Variants in FRMD5 observed in about 807,000 individuals in gnomAD.
FRMD5 encodes FERM domain-containing protein 5.
In FRMD5, 20 loss-of-function variants were observed where a neutral mutation model predicts 69.0. The ratio of observed to expected loss-of-function variants is 0.29; its 90% CI spans 0.20 to 0.42. The LOEUF (loss-of-function observed/expected upper bound fraction) is 0.42, where lower values mean the gene tolerates loss of function less well. Ranked by LOEUF, FRMD5 falls within the 10% of genes least tolerant of loss-of-function variation. The probability of loss-of-function intolerance (pLI) is 1.00; values close to 1 mark genes in which losing one functional copy is unlikely to be tolerated. For synonymous variants in FRMD5, 271 were observed against 260.1 expected (o/e 1.04, Z -0.40); for missense variants, 595 against 708.6 (o/e 0.84, Z 1.82).
intron 1 of FRMD5, among the ~76,000 whole-genome samples, chr15:44,177,811 G>T (rs2077925294): frequency 6.6e-6 from 1 of 152,116 alleles, no homozygotes; most frequent in Admixed American, 6.5e-5. Flanking sequence ...TGTGGAAAAG[G>T]CAAAACTGTA....
intron 6 of FRMD5, among the ~76,000 whole-genome samples, chr15:43,905,377 TC>T (rs1003473435): frequency 4.6e-5 from 7 of 152,150 alleles, no homozygotes; most frequent in African/African-American, 1.4e-4. Context: ...CCTCACGTGA[TC>T]CACCTGCCTC....
chr15:43,875,362 AAAT>A (rs1247472310), intron 13 of FRMD5, among the ~76,000 whole-genome samples: 86 of 106,518 alleles, frequency 8.1e-4, no homozygotes, highest in African/African-American at 1.2e-3. Flanking sequence ...AAAAAAAAAA[AAAT>A]ATATATATAT....
At chr15:43,977,519 T>A (rs2090482600) in intron 1 of FRMD5, among the ~76,000 whole-genome samples, 1 of 152,142 alleles carries the variant, frequency 6.6e-6, no homozygotes. Context: ...CCTTGATGTG[T>A]TCCGTTATGG....
chr15:44,118,493 T>C (rs2076901822), intron 1 of FRMD5, among the ~76,000 whole-genome samples: 1 of 152,206 alleles, frequency 6.6e-6, no homozygotes, highest in African/African-American at 2.4e-5. Flanking sequence ...TTACCACTTC[T>C]ACATCATTTT....
chr15:44,165,620 G>A (rs1238764405), intron 1 of FRMD5, among the ~76,000 whole-genome samples: 1 of 152,072 alleles, frequency 6.6e-6, no homozygotes, highest in East Asian at 1.9e-4. Flanking sequence ...TGGATCTCTT[G>A]AGCTCAGGAG....
At chr15:43,974,046 G>A (rs1015866597) in intron 1 of FRMD5, among the ~76,000 whole-genome samples, 2 of 150,528 alleles carry the variant, frequency 1.3e-5, no homozygotes, top group African/African-American at 4.9e-5. Flanking sequence ...TACTCCAAAA[G>A]GGATCAGCTT....
chr15:44,035,658 G>T (rs1891875454), intron 1 of FRMD5, among the ~76,000 whole-genome samples: 1 of 152,164 alleles, frequency 6.6e-6, no homozygotes, highest in Non-Finnish European at 1.5e-5. Context: ...AAAATTTGGA[G>T]ACCCTTTTGG....
chr15:43,888,322 A>G (rs1190428223), intron 9 of FRMD5, 56 bp from the exon 10 acceptor site: 2 of 1,258,242 alleles, frequency 1.6e-6, no homozygotes, highest in Non-Finnish European at 2.3e-6. Context: ...CAAAGGGTGA[A>G]GTAGGCGAGG....
chr15:44,195,353 G>C, upstream of FRMD5: 1 of 445,284 alleles, frequency 2.2e-6, no homozygotes, highest in East Asian at 4.6e-5. Flanking sequence ...TCAGCGCGGC[G>C]GAACCGAGTG....
At chr15:43,882,608 C>A (rs1013128729) in intron 13 of FRMD5, among the ~76,000 whole-genome samples, 1 of 152,016 alleles carries the variant, frequency 6.6e-6, no homozygotes, top group Non-Finnish European at 1.5e-5. Context: ...ATCCACCCAC[C>A]TCAGCCTCCC....
chr15:43,876,358 A>C, intron 13 of FRMD5: 4 of 816,294 alleles, frequency 4.9e-6, no homozygotes, highest in Non-Finnish European at 8.4e-6. Flanking sequence ...TTTGAGTCTC[A>C]AGTCTGCCTG....
intron 1 of FRMD5, among the ~76,000 whole-genome samples, chr15:43,946,581 T>C (rs1460242122): frequency 6.6e-6 from 1 of 152,092 alleles, no homozygotes; most frequent in Admixed American, 6.6e-5. Flanking sequence ...TTAGAAAACA[T>C]GAAGGATATG....
chr15:44,053,176 G>T (rs1310958164), intron 1 of FRMD5, among the ~76,000 whole-genome samples: 2 of 152,174 alleles, frequency 1.3e-5, no homozygotes, highest in East Asian at 3.8e-4. Flanking sequence ...GAAGGCAAAA[G>T]TTTGCAGCAG....
chr15:43,926,120 G>T (rs1346974029), intron 1 of FRMD5, among the ~76,000 whole-genome samples: 1 of 152,172 alleles, frequency 6.6e-6, no homozygotes, highest in South Asian at 2.1e-4. Flanking sequence ...GAAGGGAAAA[G>T]GTTTGCTAAA....
chr15:44,009,446 G>T (rs1478622899), intron 1 of FRMD5, among the ~76,000 whole-genome samples: 1 of 152,226 alleles, frequency 6.6e-6, no homozygotes, highest in East Asian at 1.9e-4. Flanking sequence ...TTGGGAGGCT[G>T]AGGCAGGATG....
chr15:44,171,028 C>A (rs1480290760), intron 1 of FRMD5, among the ~76,000 whole-genome samples: 8 of 151,900 alleles, frequency 5.3e-5, no homozygotes, highest in Non-Finnish European at 1.5e-5. Context: ...TTTTTAAAAA[C>A]ACACACATAA....
Position 43,873,776 on chromosome 15 carries a change from G to A in FRMD5, c.*109C>T, listed in dbSNP as rs1367290998. The A allele has an allele frequency of 3.3e-6, 5 of 1,537,554 alleles. No homozygotes were observed. The East Asian group carries it at 9.8e-5, about 30-fold the overall frequency. On this transcript the variant is annotated 3_prime_UTR_variant, in exon 14 of 14. Coordinates refer to ENST00000417257, the MANE Select transcript of FRMD5 (RefSeq NM_032892.5). ...CTGCAGTGGACTTTGAGTCATGAGA[G>A]GAGGACTTGGTATATGTGCCGATGG...
intron 2 of FRMD5, 128 bp from the exon 3 acceptor site, chr15:43,919,937 G>C: frequency 1.2e-6 from 1 of 824,804 alleles, no homozygotes; most frequent in South Asian, 1.5e-5. Flanking sequence ...GCTTATGAAA[G>C]ATAAGTTTGG....
chr15:43,879,030 CG>C (rs2088450362), intron 13 of FRMD5, among the ~76,000 whole-genome samples: 2 of 151,134 alleles, frequency 1.3e-5, no homozygotes, highest in East Asian at 3.9e-4. Context: ...CTCCGACCCC[CG>C]GGTTCAAGTG....
Sources: allele counts gnomAD v4.1 joint callset (sites outside exome capture counted in the v4.1 genomes callset), GRCh38; gene constraint gnomAD v4.1.1; transcripts MANE v1.5; gene names NCBI Gene and HGNC (gene_info 2026-07-23, HGNC 2026-07-21).